AUTS2: variants seen among roughly 807,000 people sequenced by gnomAD.
AUTS2 encodes autism susceptibility gene 2 protein.
AUTS2 carries 17 observed loss-of-function variants against 112.4 expected under a neutral mutation model. That is an observed-to-expected ratio of 0.15 (90% CI 0.10 to 0.23). The LOEUF (loss-of-function observed/expected upper bound fraction) is 0.23, where lower values mean the gene tolerates loss of function less well. Among genes scored for constraint, AUTS2 ranks in the 10% least tolerant of loss-of-function variants. The pLI is 1.00. For missense variants in AUTS2, 1,510 were observed against 1,701.6 expected, an observed-to-expected ratio of 0.89 and a Z score of 1.98; for synonymous variants, 751 against 702.7, an observed-to-expected ratio of 1.07 and a Z score of -1.09.
chr7:69,791,033 C>G (rs770488439), intron 1 of AUTS2, among the ~76,000 whole-genome samples: 12 of 152,220 alleles, frequency 7.9e-5, no homozygotes, highest in Non-Finnish European at 1.3e-4. Flanking sequence ...TTTTCTCATG[C>G]TGTTGAGCAG....
chr7:70,102,919 A>C (rs1375661503), intron 2 of AUTS2, among the ~76,000 whole-genome samples: 1 of 152,200 alleles, frequency 6.6e-6, no homozygotes, highest in African/African-American at 2.4e-5. Context: ...ATTTATTCTT[A>C]TATTAATGCA....
intron 4 of AUTS2, among the ~76,000 whole-genome samples, chr7:70,347,503 C>G (rs961630484): frequency 6.6e-6 from 1 of 152,136 alleles, no homozygotes; most frequent in Non-Finnish European, 1.5e-5. Flanking sequence ...TCTTTCTCCT[C>G]TGGCTTTTCT....
chr7:70,574,245 G>A (rs933761506), intron 5 of AUTS2, among the ~76,000 whole-genome samples: 1 of 152,062 alleles, frequency 6.6e-6, no homozygotes, highest in Non-Finnish European at 1.5e-5. Flanking sequence ...GACCAGCAAT[G>A]CCAATCTCTA....
At position 70,582,330 on chromosome 7, in the gene AUTS2, G is replaced by A. The variant is rs564927520; in HGVS notation, c.691-116239G>A. 1.1e-4 allele frequency among the ~76,000 whole-genome samples: 17 copies of A among 152,200 alleles called. No individual in the cohort carries two copies. In the South Asian group the frequency reaches 1.2e-3, roughly 11 times the overall value. On this transcript the variant is annotated intron_variant, in intron 5 of 18. Coordinates refer to ENST00000342771, the MANE Select transcript of AUTS2 (RefSeq NM_015570.4). ...CCCCAGCCCCAACCCTTCCTTCCAC[G>A]TCAAGCTGAGTATACAAAGCATCCC... is the stretch of plus-strand genomic sequence containing the variant.
chr7:70,403,784 T>C (rs1377460696), intron 4 of AUTS2, among the ~76,000 whole-genome samples: 1 of 152,220 alleles, frequency 6.6e-6, no homozygotes, highest in Non-Finnish European at 1.5e-5. Flanking sequence ...TTTGTTTATG[T>C]GCTGGGCAGT....
At chr7:70,095,903 A>G (rs1275636625) in intron 2 of AUTS2, among the ~76,000 whole-genome samples, 2 of 152,236 alleles carry the variant, frequency 1.3e-5, no homozygotes, top group South Asian at 2.1e-4. Context: ...TCTATGTATT[A>G]ATTTAGTACA....
chr7:70,660,749 T>G (rs1290780193), intron 5 of AUTS2, among the ~76,000 whole-genome samples: 1 of 152,200 alleles, frequency 6.6e-6, no homozygotes, highest in Non-Finnish European at 1.5e-5. Flanking sequence ...ATGGGAAGGC[T>G]CTGGGGCTTT....
chr7:70,324,228 A>G (rs915277693), intron 4 of AUTS2, among the ~76,000 whole-genome samples: 3 of 152,248 alleles, frequency 2.0e-5, no homozygotes, highest in African/African-American at 7.2e-5. Flanking sequence ...ATCAAGTGGT[A>G]GAAACAGTTG....
chr7:69,705,106 C>G (rs543468063), intron 1 of AUTS2, among the ~76,000 whole-genome samples: 14 of 152,278 alleles, frequency 9.2e-5, no homozygotes, highest in African/African-American at 2.9e-4. Context: ...AGCTCAAGCT[C>G]TCTGCCTGCC....
intron 2 of AUTS2, among the ~76,000 whole-genome samples, chr7:69,938,729 A>C (rs1031147501): frequency 2.0e-5 from 3 of 152,226 alleles, no homozygotes; most frequent in Admixed American, 6.5e-5. Flanking sequence ...TAGATAGACA[A>C]GGTGGAACCA....
At chr7:69,645,568 G>A (rs1267239234) in intron 1 of AUTS2, among the ~76,000 whole-genome samples, 1 of 152,102 alleles carries the variant, frequency 6.6e-6, no homozygotes, top group Non-Finnish European at 1.5e-5. Flanking sequence ...AAACAAATTT[G>A]GACCTGTAAA....
chr7:70,078,857 A>G (rs1171279479), intron 2 of AUTS2, among the ~76,000 whole-genome samples: 1 of 152,196 alleles, frequency 6.6e-6, no homozygotes, highest in Non-Finnish European at 1.5e-5. Flanking sequence ...GCTTTGTTTA[A>G]ATTCTCGTCT....
intron 4 of AUTS2, among the ~76,000 whole-genome samples, chr7:70,154,293 C>T (rs1807619133): frequency 6.6e-6 from 1 of 151,984 alleles, no homozygotes; most frequent in African/African-American, 2.4e-5. Flanking sequence ...GTTGGTATGC[C>T]AGCAAAAATG....
chr7:70,433,261 C>T (rs547289555), intron 4 of AUTS2, among the ~76,000 whole-genome samples: 1 of 152,212 alleles, frequency 6.6e-6, no homozygotes, highest in Non-Finnish European at 1.5e-5. Context: ...ACTCCTCGTC[C>T]TCCCTGCACA....
intron 5 of AUTS2, among the ~76,000 whole-genome samples, chr7:70,506,413 G>A (rs886292193): frequency 6.6e-6 from 1 of 152,128 alleles, no homozygotes; most frequent in African/African-American, 2.4e-5. Flanking sequence ...ATAAACAGAT[G>A]GAACATGCCT....
chr7:69,649,616 A>G (rs1056616198), intron 1 of AUTS2, among the ~76,000 whole-genome samples: 3 of 151,850 alleles, frequency 2.0e-5, no homozygotes, highest in Non-Finnish European at 4.4e-5. Context: ...CTATGTATCT[A>G]CAGAACACTC....
intron 4 of AUTS2, among the ~76,000 whole-genome samples, chr7:70,434,792 A>C (rs1393936147): frequency 6.6e-6 from 1 of 152,226 alleles, no homozygotes; most frequent in Non-Finnish European, 1.5e-5. Flanking sequence ...CCTGTATCTC[A>C]GGTGAATTTC....
chr7:69,790,162 G>T (rs1201040971), intron 1 of AUTS2, among the ~76,000 whole-genome samples: 1 of 152,028 alleles, frequency 6.6e-6, no homozygotes, highest in Non-Finnish European at 1.5e-5. Context: ...GTGGTGGCAC[G>T]TGCCTGTAGT....
chr7:69,909,951 C>T (rs897889753), intron 2 of AUTS2, among the ~76,000 whole-genome samples: 6 of 152,066 alleles, frequency 3.9e-5, no homozygotes, highest in African/African-American at 1.4e-4. Flanking sequence ...ATCAAATTTT[C>T]CTAAGAAATG....
Sources: allele counts gnomAD v4.1 joint callset (sites outside exome capture counted in the v4.1 genomes callset), GRCh38; gene constraint gnomAD v4.1.1; transcripts MANE v1.5; gene names NCBI Gene and HGNC (gene_info 2026-07-23, HGNC 2026-07-21).